The following PZP variants were observed in gnomAD, a reference collection of about 807,000 sequenced individuals.
PZP encodes the protein PZP alpha-2-macroglobulin like, also known as pregnancy zone protein.
Under a neutral mutation model 179.8 loss-of-function variants are expected in PZP, and 150 were observed. That is an observed-to-expected ratio of 0.83 (90% CI 0.73 to 0.96). PZP has a LOEUF of 0.96. PZP is among the 40% of genes least tolerant of loss of function. The pLI is 0.00. For synonymous variants in PZP, 624 were observed against 652.3 expected (o/e 0.96, Z 0.66); for missense variants, 1,689 against 1,764.0 (o/e 0.96, Z 0.76).
At chr12:9,164,664 A>C (rs1427947001) in intron 19 of PZP, among the ~76,000 whole-genome samples, 1 of 152,222 alleles carries the variant, frequency 6.6e-6, no homozygotes, top group Non-Finnish European at 1.5e-5. Flanking sequence ...GGAATGGTAG[A>C]TGAGAGGCTC....
Position 9,192,253 on chromosome 12 carries a change from T to A in PZP, c.1486A>T (p.Met496Leu). 1 of 1,613,948 alleles carries A rather than the reference T, an allele frequency of 6.2e-7. No homozygotes were observed. Among genetic ancestry groups the A allele is most frequent in the Non-Finnish European group, 8.5e-7 (1 of 1,179,864 alleles). Residue 496 changes from methionine to leucine, a missense_variant, in exon 13 of 36, where the codon ATG (methionine) becomes TTG (leucine). Met to Leu is a conservative substitution (Grantham distance 15). Transcript: ENST00000261336. Reference protein sequence around the residue: ...LSELSFHYLIMAKGVIVRSGT... With the variant: ...LSELSFHYLILAKGVIVRSGT... Reference sequence around the variant, plus strand: ...GATCTGACGATGACTCCCTTAGCCATGATCTGAAATGAAAAAACAGTGAAG... The same window carrying A: ...GATCTGACGATGACTCCCTTAGCCAAGATCTGAAATGAAAAAACAGTGAAG...
At chr12:9,183,697 C>CT (rs1942922079) in intron 13 of PZP, among the ~76,000 whole-genome samples, 1 of 152,122 alleles carries the variant, frequency 6.6e-6, no homozygotes, top group South Asian at 2.1e-4. Context: ...CCAAAATTTA[C>CT]TTTTTTAAAA....
In PZP at chr12:9,192,593, G is replaced by A. The variant is rs772490481; in HGVS notation, c.1401C>T (p.Gly467=). 1 of 1,614,154 alleles carries A rather than the reference G, an allele frequency of 6.2e-7. No homozygotes were observed. Among genetic ancestry groups the A allele is most frequent in the South Asian group, 1.1e-5 (1 of 91,080 alleles). Residue 467 remains glycine (G), a synonymous_variant, in exon 12 of 36, where the codon GGC becomes GGT. Transcript: ENST00000261336. ...AGTGTGCCGTGATAGTCTCCGTGTG[G>A]CCACAGGGCAGGGTACCAGCCACAG... ...LEPVAGTLPC[G]HTETITAHYT... is the part of the protein sequence containing the mutation.
intron 13 of PZP, among the ~76,000 whole-genome samples, chr12:9,190,966 C>T (rs990497520): frequency 3.3e-5 from 5 of 151,930 alleles, no homozygotes; most frequent in African/African-American, 7.3e-5. Flanking sequence ...AAGAGTAAAT[C>T]GGTAATTAAT....
chr12:9,208,209 G>T, intron 1 of PZP, 50 bp downstream of exon 1: 2 of 1,425,734 alleles, frequency 1.4e-6, no homozygotes, highest in South Asian at 1.1e-5. Flanking sequence ...GAAGACACAA[G>T]GGAGAGACTG....
At chr12:9,157,950 CA>C in intron 26 of PZP, 109 bp from the exon 27 acceptor site, 2 of 934,224 alleles carry the variant, frequency 2.1e-6, no homozygotes, top group Non-Finnish European at 3.4e-6. Context: ...CAAAGTATAC[CA>C]TTTCCTTCTC....
At chr12:9,201,212 G>A (rs1797566840) in intron 5 of PZP, 115 bp downstream of exon 5, 2 of 1,327,980 alleles carry the variant, frequency 1.5e-6, no homozygotes, top group Non-Finnish European at 2.1e-6. Context: ...ACTGGGAGTA[G>A]GAGGAATTCA....
chr12:9,151,510 A>AT (rs1003320730), intron 33 of PZP, 94 bp downstream of exon 33: 2 of 1,025,574 alleles, frequency 2.0e-6, no homozygotes, highest in African/African-American at 3.2e-5. Context: ...ATTACTAATG[A>AT]TTGTTTTCCT....
intron 25 of PZP, 51 bp downstream of exon 25, chr12:9,159,887 G>A (rs970697947): frequency 6.9e-7 from 1 of 1,457,280 alleles, no homozygotes; most frequent in Non-Finnish European, 9.6e-7. Context: ...GGTAATCTAT[G>A]TGCACGTTCT....
intron 29 of PZP, among the ~76,000 whole-genome samples, chr12:9,154,022 G>A (rs980155267): frequency 1.3e-5 from 2 of 152,196 alleles, no homozygotes; most frequent in Admixed American, 1.3e-4. Flanking sequence ...TGAAGAAGCT[G>A]AGTTCCTTGG....
chr12:9,141,633 A>C, the PZP span, among the ~76,000 whole-genome samples: 1 of 152,200 alleles, frequency 6.6e-6, no homozygotes. Flanking sequence ...ATTTTATTCA[A>C]CTTAAAACAA....
At chr12:9,206,242 G>T (rs144377560) in intron 1 of PZP, among the ~76,000 whole-genome samples, 1 of 151,348 alleles carries the variant, frequency 6.6e-6, no homozygotes, top group Non-Finnish European at 1.5e-5. Context: ...ATCTTAATAA[G>T]AAGGTATATA....
intron 2 of PZP, among the ~76,000 whole-genome samples, chr12:9,203,118 A>T (rs779946070): frequency 1.3e-5 from 2 of 152,294 alleles, no homozygotes; most frequent in East Asian, 3.9e-4. Context: ...TTTTCATATG[A>T]TCTATTTCTA....
At chr12:9,140,424 C>CCTTACCTT in the PZP span, among the ~76,000 whole-genome samples, 1 of 152,142 alleles carries the variant, frequency 6.6e-6, no homozygotes, top group Non-Finnish European at 1.5e-5. Flanking sequence ...AAGCAACATT[C>CCTTACCTT]CTTACCTAAT....
intron 18 of PZP, among the ~76,000 whole-genome samples, 181 bp downstream of exon 18, chr12:9,165,871 G>A (rs1941545886): frequency 1.3e-5 from 2 of 152,162 alleles, no homozygotes; most frequent in Non-Finnish European, 2.9e-5. Context: ...GAATTGCTCA[G>A]CACTGAGACA....
intron 5 of PZP, 47 bp downstream of exon 5, chr12:9,201,280 C>A: frequency 6.7e-7 from 1 of 1,482,070 alleles, no homozygotes. Context: ...ACCTCCTACT[C>A]TCTAAAAGCA....
chr12:9,165,173 G>A lies in PZP; in HGVS notation c.2453C>T (p.Ala818Val). 1 of 1,614,088 alleles carries A rather than the reference G, an allele frequency of 6.2e-7. No homozygotes were observed. Among genetic ancestry groups the A allele is most frequent in the Non-Finnish European group, 8.5e-7 (1 of 1,179,958 alleles). The change falls in exon 19 of 36, where the codon GCC (alanine) becomes GTC (valine). Residue 818 changes from alanine to valine, a missense_variant. Ala to Val is a moderately conservative substitution (Grantham distance 64). This residue lies in a region of PZP where 201 missense variants were observed against 284.2 expected (regional missense o/e 0.71). Transcript: ENST00000261336. ...TTTGGGAAGGTAGTTTAGGACCGTG[G>A]CCTTGAGTGTGAAGACCTCTCCACG... ...VIRGEVFTLKATVLNYLPKCI... is the reference protein window; with the variant it reads ...VIRGEVFTLKVTVLNYLPKCI...
intron 32 of PZP, 119 bp from the exon 33 acceptor site, chr12:9,151,791 T>G: frequency 2.7e-6 from 2 of 737,642 alleles, no homozygotes. Flanking sequence ...GAAAGCTAAT[T>G]GTTTTCAGGT....
chr12:9,156,016 C>T, intron 28 of PZP: 1 of 174,856 alleles, frequency 5.7e-6, no homozygotes, highest in Middle Eastern at 8.9e-4. Flanking sequence ...TGCTTCTTGA[C>T]CTTTTGGCTA....
Sources: allele counts gnomAD v4.1 joint callset (sites outside exome capture counted in the v4.1 genomes callset), GRCh38; gene constraint gnomAD v4.1.1; regional missense constraint gnomAD v4.1.1; transcripts MANE v1.5; gene names NCBI Gene and HGNC (gene_info 2026-07-23, HGNC 2026-07-21).